Variants in HCN1 observed in about 807,000 individuals in gnomAD.
HCN1 encodes potassium/sodium hyperpolarization-activated cyclic nucleotide-gated channel 1.
A neutral mutation model predicts 78.9 loss-of-function variants in HCN1; 13 were observed. The observed-to-expected ratio is 0.16, with a 90% CI of 0.11 to 0.26. HCN1 has a LOEUF of 0.26. HCN1 is among the 10% of genes least tolerant of loss of function. The pLI is 1.00. For missense variants in HCN1, 810 were observed against 1,154.3 expected, an observed-to-expected ratio of 0.70 and a Z score of 4.32; for synonymous variants, 552 against 455.5, an observed-to-expected ratio of 1.21 and a Z score of -2.70.
intron 6 of HCN1, among the ~76,000 whole-genome samples, chr5:45,293,670 GTCT>G (rs1184232825): frequency 6.6e-6 from 1 of 151,828 alleles, no homozygotes; most frequent in Admixed American, 6.6e-5. Context: ...AAAATAAAAT[GTCT>G]TCTTAATGTT....
chr5:45,303,277 A>T (rs192516678), intron 6 of HCN1, among the ~76,000 whole-genome samples: 232 of 152,222 alleles, frequency 1.5e-3, no homozygotes, highest in Non-Finnish European at 2.9e-3. Context: ...TCTTGTGGAG[A>T]TGACAAAAAC....
chr5:45,326,008 T>A (rs976803963), intron 5 of HCN1, among the ~76,000 whole-genome samples: 1 of 151,594 alleles, frequency 6.6e-6, no homozygotes, highest in African/African-American at 2.4e-5. Context: ...GCTGATGAAT[T>A]GACATAAGAT....
intron 3 of HCN1, among the ~76,000 whole-genome samples, chr5:45,407,730 G>C (rs1369511071): frequency 6.6e-6 from 1 of 151,828 alleles, no homozygotes; most frequent in Non-Finnish European, 1.5e-5. Flanking sequence ...CACTGGTCTC[G>C]AACTCCTGAC....
intron 2 of HCN1, among the ~76,000 whole-genome samples, chr5:45,502,785 T>C (rs544290644): frequency 6.6e-6 from 1 of 152,126 alleles, no homozygotes; most frequent in Non-Finnish European, 1.5e-5. Flanking sequence ...GGCTATGAGA[T>C]TAACAATAAT....
intron 1 of HCN1, among the ~76,000 whole-genome samples, chr5:45,666,679 C>CA (rs1302975043): frequency 6.6e-6 from 1 of 151,920 alleles, no homozygotes; most frequent in Non-Finnish European, 1.5e-5. Flanking sequence ...CCAGGGATCA[C>CA]ATCTATCTCT....
intron 2 of HCN1, among the ~76,000 whole-genome samples, chr5:45,499,454 C>T (rs1249259161): frequency 7.9e-5 from 12 of 152,138 alleles, no homozygotes; most frequent in East Asian, 1.9e-4. Context: ...GGCTCGTGCA[C>T]GGTGCGTGGA....
chr5:45,551,773 T>C (rs561260309), intron 2 of HCN1, among the ~76,000 whole-genome samples: 1 of 152,076 alleles, frequency 6.6e-6, no homozygotes, highest in Non-Finnish European at 1.5e-5. Context: ...ATAAAGGATT[T>C]ATAACAAAAA....
At chr5:45,645,656 C>T (rs1745534617) in intron 1 of HCN1, 48 bp from the exon 2 acceptor site, 4 of 1,215,786 alleles carry the variant, frequency 3.3e-6, no homozygotes, top group Non-Finnish European at 3.5e-6. Flanking sequence ...AAATAACCAG[C>T]CTATCCCCCC....
intron 2 of HCN1, among the ~76,000 whole-genome samples, chr5:45,466,756 C>T (rs2111639305): frequency 6.6e-6 from 1 of 152,170 alleles, no homozygotes. Flanking sequence ...GATTCTTGCC[C>T]TGAAAGTCAT....
chr5:45,384,176 T>A (rs529383359), intron 4 of HCN1, among the ~76,000 whole-genome samples: 1 of 152,238 alleles, frequency 6.6e-6, no homozygotes, highest in East Asian at 1.9e-4. Context: ...TTCCTTTACA[T>A]CCCCGTGCAG....
intron 2 of HCN1, among the ~76,000 whole-genome samples, chr5:45,581,421 C>A (rs573270736): frequency 2.0e-5 from 3 of 152,180 alleles, no homozygotes; most frequent in African/African-American, 7.2e-5. Context: ...TGGATATTAG[C>A]CCTTTGTCAG....
chr5:45,493,393 G>C (rs1295127848), intron 2 of HCN1, among the ~76,000 whole-genome samples: 1 of 151,778 alleles, frequency 6.6e-6, no homozygotes, highest in African/African-American at 2.4e-5. Context: ...ATGTCTCCAA[G>C]TCCATGATTT....
At chr5:45,553,246 C>T (rs993145210) in intron 2 of HCN1, among the ~76,000 whole-genome samples, 1 of 151,808 alleles carries the variant, frequency 6.6e-6, no homozygotes, top group East Asian at 1.9e-4. Context: ...GTCACATATT[C>T]TTCTGAGGCC....
intron 2 of HCN1, among the ~76,000 whole-genome samples, chr5:45,496,998 T>C (rs1035575053): frequency 2.6e-5 from 4 of 152,186 alleles, no homozygotes; most frequent in African/African-American, 9.7e-5. Flanking sequence ...TCAGTTTCCA[T>C]GTAGTTGAGC....
intron 6 of HCN1, among the ~76,000 whole-genome samples, chr5:45,295,825 C>G (rs1456526994): frequency 6.6e-6 from 1 of 151,832 alleles, no homozygotes; most frequent in Non-Finnish European, 1.5e-5. Flanking sequence ...AAATACAAAA[C>G]TAGTATAGTA....
chr5:45,488,698 G>T (rs1273165677), intron 2 of HCN1, among the ~76,000 whole-genome samples: 1 of 152,250 alleles, frequency 6.6e-6, no homozygotes, highest in East Asian at 1.9e-4. Context: ...TACTGAGAAA[G>T]ATGTAGTAAG....
chr5:45,621,808 A>C (rs767211406), intron 2 of HCN1, among the ~76,000 whole-genome samples: 6 of 152,212 alleles, frequency 3.9e-5, no homozygotes, highest in Non-Finnish European at 8.8e-5. Flanking sequence ...TTATTTGGCA[A>C]TATAAGTGGA....
intron 3 of HCN1, among the ~76,000 whole-genome samples, chr5:45,455,760 C>CAAAAA (rs571706502): frequency 6.7e-5 from 4 of 59,836 alleles, no homozygotes; most frequent in Non-Finnish European, 1.2e-4. Flanking sequence ...TTCTGGAACT[C>CAAAAA]AAAAAAAAAA....
At chr5:45,475,885 T>C (rs1262494251) in intron 2 of HCN1, among the ~76,000 whole-genome samples, 2 of 152,178 alleles carry the variant, frequency 1.3e-5, no homozygotes, top group East Asian at 3.8e-4. Flanking sequence ...CAACCTCTTT[T>C]TCTAAGTCTC....
Sources: allele counts gnomAD v4.1 joint callset (sites outside exome capture counted in the v4.1 genomes callset), GRCh38; gene constraint gnomAD v4.1.1; transcripts MANE v1.5; gene names NCBI Gene and HGNC (gene_info 2026-07-23, HGNC 2026-07-21).